Variants in KCNAB1 observed in about 807,000 individuals in gnomAD.
The protein encoded by KCNAB1 is potassium voltage-gated channel subfamily A regulatory beta subunit 1.
Under a neutral mutation model 64.6 loss-of-function variants are expected in KCNAB1, and 35 were observed. The ratio of observed to expected loss-of-function variants is 0.54; its 90% CI spans 0.41 to 0.72. KCNAB1 has a LOEUF of 0.72. KCNAB1 is among the 30% of genes least tolerant of loss of function. The pLI is 0.00. For missense variants in KCNAB1, 401 were observed against 512.9 expected (o/e 0.78, Z 2.11); for synonymous variants, 177 against 183.8 (o/e 0.96, Z 0.30).
At chr3:156,328,109 C>A (rs948988797) in intron 1 of KCNAB1, among the ~76,000 whole-genome samples, 16 of 152,122 alleles carry the variant, frequency 1.1e-4, no homozygotes, top group African/African-American at 3.4e-4. Flanking sequence ...TAGGCAAGAA[C>A]AACATGGACA....
intron 1 of KCNAB1, among the ~76,000 whole-genome samples, chr3:156,165,277 C>CAAAAAAAA (rs35419424): frequency 2.2e-4 from 6 of 27,134 alleles, no homozygotes; most frequent in African/African-American, 3.0e-4. Flanking sequence ...GACTCCGTCT[C>CAAAAAAAA]AAAAAAAAAA....
At chr3:156,194,552 A>G (rs368154007) in intron 1 of KCNAB1, among the ~76,000 whole-genome samples, 3 of 152,026 alleles carry the variant, frequency 2.0e-5, no homozygotes, top group African/African-American at 7.2e-5. Context: ...GACTTGGTAT[A>G]GCTTTCTTTA....
At chr3:156,340,833 T>C (rs1354804866) in intron 1 of KCNAB1, among the ~76,000 whole-genome samples, 2 of 152,198 alleles carry the variant, frequency 1.3e-5, no homozygotes, top group Admixed American at 6.5e-5. Flanking sequence ...TTGGCTATCT[T>C]TGTTGCCAAG....
At chr3:156,416,302 C>G (rs887649666) in intron 1 of KCNAB1, among the ~76,000 whole-genome samples, 3 of 152,188 alleles carry the variant, frequency 2.0e-5, no homozygotes, top group African/African-American at 7.2e-5. Flanking sequence ...GCTCCTGCCA[C>G]CCTATCAGAC....
At chr3:156,305,194 T>C (rs1721412428) in intron 1 of KCNAB1, among the ~76,000 whole-genome samples, 1 of 152,204 alleles carries the variant, frequency 6.6e-6, no homozygotes, top group African/African-American at 2.4e-5. Flanking sequence ...GTCATTAATA[T>C]CAGTATTAGC....
chr3:156,327,497 T>C (rs3821415), intron 1 of KCNAB1, among the ~76,000 whole-genome samples: 30,790 of 152,140 alleles, frequency 0.2, 3,214 homozygotes, highest in Middle Eastern at 0.35. Flanking sequence ...ATTAATTTAT[T>C]AACCCATATA....
chr3:156,494,299 T>C lies in KCNAB1; in HGVS notation c.658+19479T>C, dbSNP rs149700745. 1.6e-3 allele frequency among the ~76,000 whole-genome samples: 246 copies of C among 152,294 alleles called. 1 individual carries two copies. Among genetic ancestry groups the C allele is most frequent in the African/African-American group, 5.3e-3 (221 of 41,572 alleles). On this transcript the variant is annotated intron_variant, in intron 8 of 13. Coordinates refer to ENST00000490337, the MANE Select transcript of KCNAB1 (RefSeq NM_172160.3). ...ATTCATTACTAGCATTATTTTGTTA[T>C]TTATGTCCTTTTGTTTGACTGATTG...
At chr3:156,125,417 G>A (rs1195019177) in intron 1 of KCNAB1, among the ~76,000 whole-genome samples, 1 of 152,162 alleles carries the variant, frequency 6.6e-6, no homozygotes, top group Non-Finnish European at 1.5e-5. Flanking sequence ...GCTTTTTAAG[G>A]ATTTATAGGA....
At chr3:156,154,847 C>T (rs926560831) in intron 1 of KCNAB1, among the ~76,000 whole-genome samples, 6 of 152,150 alleles carry the variant, frequency 3.9e-5, no homozygotes, top group African/African-American at 1.4e-4. Flanking sequence ...CCTGCAGGAG[C>T]CTGGGTGAGA....
At chr3:156,312,507 T>C (rs192788181) in intron 1 of KCNAB1, among the ~76,000 whole-genome samples, 91 of 151,864 alleles carry the variant, frequency 6.0e-4, no homozygotes, top group African/African-American at 2.2e-3. Context: ...AGACCAGGAG[T>C]TTGAGACCAG....
intron 1 of KCNAB1, among the ~76,000 whole-genome samples, chr3:156,313,081 C>T (rs1021752445): frequency 1.5e-4 from 23 of 152,278 alleles, no homozygotes; most frequent in African/African-American, 5.1e-4. Context: ...TGGTCTTATA[C>T]TTCCACAGCA....
chr3:156,509,551 T>G (rs1260054384), intron 8 of KCNAB1, among the ~76,000 whole-genome samples: 1 of 152,152 alleles, frequency 6.6e-6, no homozygotes, highest in East Asian at 1.9e-4. Flanking sequence ...TCTAATATAA[T>G]AGAATTTCAG....
chr3:156,395,756 C>T (rs1435032856), intron 1 of KCNAB1, among the ~76,000 whole-genome samples: 15 of 151,938 alleles, frequency 9.9e-5, no homozygotes, highest in Admixed American at 7.2e-4. Context: ...CTGGGTAGCT[C>T]GCTCTCTTTG....
chr3:156,366,295 G>A (rs971019468), intron 1 of KCNAB1, among the ~76,000 whole-genome samples: 4 of 152,146 alleles, frequency 2.6e-5, no homozygotes, highest in African/African-American at 9.7e-5. Flanking sequence ...TGGAAGGCTG[G>A]TGCTAGAAAA....
chr3:156,420,971 T>G (rs570004964), intron 1 of KCNAB1, among the ~76,000 whole-genome samples: 2 of 149,496 alleles, frequency 1.3e-5, no homozygotes, highest in Non-Finnish European at 3.0e-5. Flanking sequence ...ATATATGTAA[T>G]ATAGTTAAAT....
intron 11 of KCNAB1, among the ~76,000 whole-genome samples, chr3:156,520,731 A>G (rs1186941393): frequency 6.6e-6 from 1 of 152,252 alleles, no homozygotes; most frequent in Non-Finnish European, 1.5e-5. Context: ...GTAAAATTTC[A>G]GAAGGCAAGT....
At chr3:156,291,999 A>G (rs759011239) in intron 1 of KCNAB1, 49 of 1,614,096 alleles carry the variant, frequency 3.0e-5, no homozygotes, top group Middle Eastern at 1.6e-4. Context: ...ACCGCCCCCA[A>G]TGTGGTGAAC....
intron 2 of KCNAB1, among the ~76,000 whole-genome samples, chr3:156,433,751 G>A (rs78043243): frequency 0.035 from 5,294 of 152,230 alleles, 297 homozygotes; most frequent in African/African-American, 0.12. Flanking sequence ...ATCTTGTTAA[G>A]TTTTCTATTT....
At chr3:156,456,609 G>T (rs190861142) in intron 3 of KCNAB1, among the ~76,000 whole-genome samples, 2 of 152,122 alleles carry the variant, frequency 1.3e-5, no homozygotes, top group African/African-American at 2.4e-5. Flanking sequence ...TTGGAAATGC[G>T]GATGAAGCAA....
Sources: allele counts gnomAD v4.1 joint callset (sites outside exome capture counted in the v4.1 genomes callset), GRCh38; gene constraint gnomAD v4.1.1; transcripts MANE v1.5; gene names NCBI Gene and HGNC (gene_info 2026-07-23, HGNC 2026-07-21).